The following STEAP4 variants were observed in gnomAD, a reference collection of about 807,000 sequenced individuals.
STEAP4 encodes metalloreductase STEAP4.
A neutral mutation model predicts 43.6 loss-of-function variants in STEAP4; 36 were observed. That is an observed-to-expected ratio of 0.83 (90% CI 0.63 to 1.09). The LOEUF is 1.09. Among genes scored for constraint, STEAP4 ranks in the 50% least tolerant of loss-of-function variants. The pLI is 0.00. For missense variants in STEAP4, 495 were observed against 546.5 expected, an observed-to-expected ratio of 0.91 and a Z score of 0.94; for synonymous variants, 191 against 196.7, an observed-to-expected ratio of 0.97 and a Z score of 0.24.
In STEAP4 at chr7:88,275,540, C is replaced by T. The variant is rs910611832; in HGVS notation, c.*3858G>A. The T allele has an allele frequency of 1.3e-5, 2 of 151,912 alleles. No individual in the cohort carries two copies. Among genetic ancestry groups the T allele is most frequent in the Admixed American group, 1.3e-4 (2 of 15,262 alleles). The allele number at this position is 151,912 out of a possible 1,614,324, so 9.4% of individuals were successfully genotyped here. On this transcript the variant is annotated 3_prime_UTR_variant, in exon 5 of 5. Transcript: ENST00000380079. ...GTGAAGGATTTTTCTAGAATGTAAA[C>T]CTAATTCATTATAGAAAATTGAAGT...
rs1422847663 is a variant in STEAP4 at position 88,291,347 on chromosome 7, T to C, written c.-2-7076A>G. Among the ~76,000 whole-genome samples, 55 of 151,766 alleles carry C rather than the reference T, an allele frequency of 3.6e-4. 1 individual carries two copies. Among genetic ancestry groups the C allele is most frequent in the Admixed American group, 3.6e-3 (55 of 15,242 alleles). On this transcript the variant is annotated intron_variant, in intron 1 of 4. Transcript: ENST00000380079. ...AAAAATACACAAAAAATTAGCCAGG[T>C]GTGGTGGAACACACTTGTAATTCCA...
chr7:88,276,336 C>G lies in STEAP4; in HGVS notation c.*3062G>C, dbSNP rs962656647. On this transcript the variant is annotated 3_prime_UTR_variant, in exon 5 of 5. Transcript: ENST00000380079. Reference sequence around the variant, plus strand: ...ATCCCTGAAGGGAAGTATTTTTAGTCCCAGATGCTGGAACTACTGTGATTC... The same window carrying G: ...ATCCCTGAAGGGAAGTATTTTTAGTGCCAGATGCTGGAACTACTGTGATTC... 6.6e-6 allele frequency: 1 copy of G among 152,170 alleles called. No homozygotes were observed. Among genetic ancestry groups the G allele is most frequent in the African/African-American group, 2.4e-5 (1 of 41,428 alleles). 9.4% of individuals were successfully genotyped at this position (152,170 alleles called of 1,614,324 possible).
chr7:88,301,571 C>T (rs1853035269), intron 1 of STEAP4, among the ~76,000 whole-genome samples: 1 of 152,018 alleles, frequency 6.6e-6, no homozygotes, highest in African/African-American at 2.4e-5. Context: ...ACCACTGCAC[C>T]TGGCCCCATA....
chr7:88,300,699 A>G (rs1290420803), intron 1 of STEAP4, among the ~76,000 whole-genome samples: 1 of 152,150 alleles, frequency 6.6e-6, no homozygotes, highest in Admixed American at 6.5e-5. Context: ...AGAGGCATTT[A>G]CCAACATACC....
chr7:88,286,849 A>G (rs1372751789), intron 1 of STEAP4, among the ~76,000 whole-genome samples: 6 of 151,998 alleles, frequency 3.9e-5, no homozygotes, highest in Non-Finnish European at 8.8e-5. Flanking sequence ...CAAGACACAG[A>G]TTCCAGACCC....
chr7:88,295,424 T>A (rs1184712101), intron 1 of STEAP4, among the ~76,000 whole-genome samples: 1 of 152,160 alleles, frequency 6.6e-6, no homozygotes, highest in Non-Finnish European at 1.5e-5. Flanking sequence ...GAGAATCAGG[T>A]AGAGAGCCTG....
At chr7:88,304,664 G>T (rs899283786) in intron 1 of STEAP4, among the ~76,000 whole-genome samples, 12 of 151,746 alleles carry the variant, frequency 7.9e-5, no homozygotes, top group Admixed American at 1.3e-4. Flanking sequence ...GTGTGTGTGT[G>T]TGTTTGCTAG....
rs921456474 is a variant in STEAP4, at chr7:88,272,005, T to A, written c.*7393A>T. On this transcript the variant is annotated 3_prime_UTR_variant, in exon 5 of 5. Transcript: ENST00000380079. ...TACTCTTTGTATAGTTTCCAGCTGG[T>A]TGGTGTAGTAGTTGTAGTTGGCACT... 1.1e-4 allele frequency: 16 copies of A among 152,164 alleles called. No individual in the cohort carries two copies. The highest frequency in any genetic ancestry group is 3.9e-4 in the African/African-American group (16 of 41,428). The allele number at this position is 152,164 out of a possible 1,614,324, so 9.4% of individuals were successfully genotyped here.
rs1157451204 is a variant in STEAP4 at position 88,271,890 on chromosome 7, C to G, written c.*7508G>C. ...TACTAGGTGAGAAATGGTATTGATA[C>G]AGTTACAATTTTCATGCGTCTCATT... is the stretch of plus-strand genomic sequence containing the variant. On this transcript the variant is annotated 3_prime_UTR_variant, in exon 5 of 5. Coordinates refer to ENST00000380079, the MANE Select transcript of STEAP4 (RefSeq NM_024636.4). The G allele has an allele frequency of 6.6e-6, 1 of 152,176 alleles. No individual in the cohort carries two copies. Among genetic ancestry groups the G allele is most frequent in the Non-Finnish European group, 1.5e-5 (1 of 68,038 alleles). 9.4% of individuals were successfully genotyped at this position (152,176 alleles called of 1,614,324 possible).
In STEAP4 at chr7:88,277,031, T is replaced by C. The variant is rs1277919088; in HGVS notation, c.*2367A>G. The C allele has an allele frequency of 6.6e-6, 1 of 152,338 alleles. No homozygotes were observed. The highest frequency in any genetic ancestry group is 1.9e-4 in the East Asian group (1 of 5,186). The allele number at this position is 152,338 out of a possible 1,614,324, so 9.4% of individuals were successfully genotyped here. A position where few individuals can be genotyped will look rare whatever the true frequency, so the allele number is the denominator to read the frequency against. On this transcript the variant is annotated 3_prime_UTR_variant, in exon 5 of 5. Transcript: ENST00000380079. ...GAGCCAGGATAAACACATTACTCTC[T>C]TCTTTAACAAAAAGAGCATGGTTAA...
At chr7:88,304,640 T>TTG (rs148793788) in intron 1 of STEAP4, among the ~76,000 whole-genome samples, 2,960 of 147,756 alleles carry the variant, frequency 0.02, 59 homozygotes, top group African/African-American at 0.052. Context: ...GTTGCTGCTG[T>TTG]TGTGTGTGTG....
rs1852551710 is a variant in STEAP4, at chr7:88,278,435, A to G, written c.*963T>C. 6.6e-6 allele frequency: 1 copy of G among 152,226 alleles called. No homozygotes were observed. Among genetic ancestry groups the G allele is most frequent in the Admixed American group, 6.5e-5 (1 of 15,282 alleles). The allele number at this position is 152,226 out of a possible 1,614,324, so 9.4% of individuals were successfully genotyped here. On this transcript the variant is annotated 3_prime_UTR_variant, in exon 5 of 5. Transcript: ENST00000380079. ...ATAGACTAAGACAGATATAGAAGCTACTTATTTACACTAGAAATTAATTTA... is the reference window on the plus strand; with the variant it reads ...ATAGACTAAGACAGATATAGAAGCTGCTTATTTACACTAGAAATTAATTTA...
chr7:88,296,484 T>C (rs1030088066), intron 1 of STEAP4, among the ~76,000 whole-genome samples: 1 of 152,166 alleles, frequency 6.6e-6, no homozygotes, highest in Admixed American at 6.5e-5. Context: ...AGGGTTTTTT[T>C]AAAGTCCTTC....
rs909368625 is a variant in STEAP4 at position 88,274,734 on chromosome 7, C to A, written c.*4664G>T. 5 of 152,130 alleles carry A rather than the reference C, an allele frequency of 3.3e-5. No homozygotes were observed. Among genetic ancestry groups the A allele is most frequent in the African/African-American group, 1.2e-4 (5 of 41,426 alleles). 9.4% of individuals were successfully genotyped at this position (152,130 alleles called of 1,614,324 possible). A position where few individuals can be genotyped will look rare whatever the true frequency, so the allele number is the denominator to read the frequency against. On this transcript the variant is annotated 3_prime_UTR_variant, in exon 5 of 5. Transcript: ENST00000380079. ...TATGCTAAACAAGGGATGGATTATTCATGAGATGTTCAGGAAAGGGGCAGA... is the reference window on the plus strand; with the variant it reads ...TATGCTAAACAAGGGATGGATTATTAATGAGATGTTCAGGAAAGGGGCAGA...
At chr7:88,281,397 G>C (rs990618948) in intron 3 of STEAP4, 2 of 193,144 alleles carry the variant, frequency 1.0e-5, no homozygotes, top group African/African-American at 4.7e-5. Context: ...AGCAAAACTT[G>C]ATGTTCTCAA....
chr7:88,295,431 C>G (rs947873770), intron 1 of STEAP4, among the ~76,000 whole-genome samples: 1 of 152,272 alleles, frequency 6.6e-6, no homozygotes, highest in Admixed American at 6.5e-5. Context: ...AGGTAGAGAG[C>G]CTGAAGGCCC....
intron 1 of STEAP4, among the ~76,000 whole-genome samples, chr7:88,294,811 A>G (rs1264400146): frequency 6.6e-6 from 1 of 152,168 alleles, no homozygotes; most frequent in Non-Finnish European, 1.5e-5. Flanking sequence ...AAGGCAAGAA[A>G]ATCTTCCCTT....
chr7:88,287,298 CT>C (rs1852753176), intron 1 of STEAP4, among the ~76,000 whole-genome samples: 1 of 152,182 alleles, frequency 6.6e-6, no homozygotes, highest in African/African-American at 2.4e-5. Context: ...TAGGTGGCCA[CT>C]TGGGTTGGCC....
chr7:88,288,775 T>C (rs1388734363), intron 1 of STEAP4, among the ~76,000 whole-genome samples: 1 of 151,998 alleles, frequency 6.6e-6, no homozygotes, highest in East Asian at 1.9e-4. Flanking sequence ...CCTAAGGAAA[T>C]ATATAAAAGA....
Sources: gnomAD v4.1 joint callset for allele counts (sites outside exome capture counted in the v4.1 genomes callset) on GRCh38, gnomAD v4.1.1 for gene constraint, MANE v1.5 for transcripts, NCBI Gene and HGNC (gene_info 2026-07-23, HGNC 2026-07-21) for gene names.